Variants in RBM5 observed in about 807,000 individuals in gnomAD.
RBM5 encodes RNA-binding protein 5.
RBM5 carries 15 observed loss-of-function variants against 124.6 expected under a neutral mutation model. That is an observed-to-expected ratio of 0.12 (90% confidence interval 0.08 to 0.19). The LOEUF is 0.19. RBM5 is among the 10% of genes least tolerant of loss of function. The probability of loss-of-function intolerance (pLI) is 1.00; values close to 1 mark genes in which losing one functional copy is unlikely to be tolerated. For missense variants in RBM5, 580 were observed against 1,026.5 expected (o/e 0.57, Z 5.94); for synonymous variants, 337 against 361.2 (o/e 0.93, Z 0.76).
chr3:50,102,993 A>G, intron 6 of RBM5, 90 bp from the exon 7 acceptor site: 1 of 1,009,916 alleles, frequency 9.9e-7, no homozygotes, highest in Admixed American at 1.8e-5. Context: ...TTAATTCCAG[A>G]GCACTGATTT....
chr3:50,118,561 G>T lies in RBM5; in HGVS notation c.*105G>T. Reference sequence around the variant, plus strand: ...AAGGGCATGCCTTGTGCTGTTAATAGATCTTAGGGTGAACCACTTCATTCT... The same window carrying T: ...AAGGGCATGCCTTGTGCTGTTAATATATCTTAGGGTGAACCACTTCATTCT... On this transcript the variant is annotated 3_prime_UTR_variant, in exon 25 of 25. Transcript: ENST00000347869. 1 of 1,451,046 alleles carries T rather than the reference G, an allele frequency of 6.9e-7. No homozygotes were observed. The highest frequency in any genetic ancestry group is 1.3e-5 in the South Asian group (1 of 77,756). The allele number at this position is 1,451,046 out of a possible 1,614,324, so 89.9% of individuals were successfully genotyped here. A position where few individuals can be genotyped will look rare whatever the true frequency, so the allele number is the denominator to read the frequency against.
At chr3:50,092,258 G>T (rs1490059461) in intron 3 of RBM5, 50 bp downstream of exon 3, 6 of 1,574,144 alleles carry the variant, frequency 3.8e-6, no homozygotes, top group South Asian at 3.4e-5. Flanking sequence ...GAGCCTTATA[G>T]TAATAGAAAT....
intron 4 of RBM5, among the ~76,000 whole-genome samples, chr3:50,095,812 T>TG (rs1373362598): frequency 6.6e-6 from 1 of 152,082 alleles, no homozygotes; most frequent in Non-Finnish European, 1.5e-5. Flanking sequence ...CCCCAACCCT[T>TG]GAACACAGTA....
chr3:50,108,664 G>A lies in RBM5; in HGVS notation c.1192+360G>A, dbSNP rs575526919. Among the ~76,000 whole-genome samples, 4 of 152,074 alleles carry A rather than the reference G, an allele frequency of 2.6e-5. No individual in the cohort carries two copies. The South Asian group carries it at 6.2e-4, about 24-fold the overall frequency. On this transcript the variant is annotated intron_variant, in intron 14 of 24. Transcript: ENST00000347869. ...AGAGATTGCAGTGAGCTGAGATTGCGCCACTGCACTCCAGCCTGGGCGACA... is the reference window on the plus strand; with the variant it reads ...AGAGATTGCAGTGAGCTGAGATTGCACCACTGCACTCCAGCCTGGGCGACA...
chr3:50,114,352 G>A (rs942915143), intron 20 of RBM5, 101 bp downstream of exon 20: 2 of 1,190,252 alleles, frequency 1.7e-6, no homozygotes, highest in African/African-American at 3.1e-5. Context: ...ACTTAAAACT[G>A]AATGTGATCA....
intron 4 of RBM5, among the ~76,000 whole-genome samples, chr3:50,099,178 C>A (rs2090887885): frequency 6.6e-6 from 1 of 151,804 alleles, no homozygotes; most frequent in Non-Finnish European, 1.5e-5. Context: ...TCACTTGAGT[C>A]CAGGAAGGCA....
At chr3:50,108,776 G>C (rs951035012) in intron 14 of RBM5, among the ~76,000 whole-genome samples, 1 of 152,160 alleles carries the variant, frequency 6.6e-6, no homozygotes, top group Non-Finnish European at 1.5e-5. Context: ...TTCTGGGGAA[G>C]AATACGGTTA....
Position 50,118,625 on chromosome 3 carries a change from T to C in RBM5, c.*169T>C, listed in dbSNP as rs567145579. 5 of 1,099,202 alleles carry C rather than the reference T, an allele frequency of 4.5e-6. No individual in the cohort carries two copies. The highest frequency in any genetic ancestry group is 2.5e-5 in the Admixed American group (1 of 39,978). 68.1% of individuals were successfully genotyped at this position (1,099,202 alleles called of 1,614,324 possible). ...TCCCACCTTAAAGAAGTTCCCCTTA[T>C]GTGGGTTGCCTGGTGAATGGCCTTC... On this transcript the variant is annotated 3_prime_UTR_variant, in exon 25 of 25. Coordinates refer to ENST00000347869, the MANE Select transcript of RBM5 (RefSeq NM_005778.4).
intron 11 of RBM5, 82 bp from the exon 12 acceptor site, chr3:50,107,400 G>T (rs1230405843): frequency 9.1e-7 from 1 of 1,097,994 alleles, no homozygotes; most frequent in Non-Finnish European, 1.4e-6. Flanking sequence ...ACAAAGGGTG[G>T]AGTGAATCAG....
At position 50,110,384 on chromosome 3, in the gene RBM5, G is replaced by A. The variant is rs746850233; in HGVS notation, c.1284G>A (p.Glu428=). 6 of 1,614,106 alleles carry A rather than the reference G, an allele frequency of 3.7e-6. No individual in the cohort carries two copies. Among genetic ancestry groups the A allele is most frequent in the Non-Finnish European group, 5.1e-6 (6 of 1,179,988 alleles). The part of the protein sequence containing the change: ...QTSNPPGSPT[E]EAQPSTSTST... Reference sequence around the variant, plus strand: ...GAAGCTGCTGTTCTTTCCAGACTGAGGAAGCACAGCCTAGCACTAGCACAA... The same window carrying A: ...GAAGCTGCTGTTCTTTCCAGACTGAAGAAGCACAGCCTAGCACTAGCACAA... The change falls in exon 16 of 25, where the codon GAG becomes GAA. Residue 428 remains glutamate (E), a synonymous_variant. Transcript: ENST00000347869.
chr3:50,107,196 C>G, intron 11 of RBM5: 1 of 629,934 alleles, frequency 1.6e-6, no homozygotes, highest in Non-Finnish European at 2.9e-6. Context: ...CTAATAATTT[C>G]ATGTATATAG....
At chr3:50,113,196 T>C in intron 17 of RBM5, 187 bp from the exon 18 acceptor site, 1 of 496,990 alleles carries the variant, frequency 2.0e-6, no homozygotes, top group Non-Finnish European at 3.6e-6. Context: ...ATTTTTACTC[T>C]AGCAGTGTCA....
In RBM5 at chr3:50,118,710, T is replaced by C. The variant is rs2091303701; in HGVS notation, c.*254T>C. 1.9e-6 allele frequency: 1 copy of C among 535,262 alleles called. No individual in the cohort carries two copies. The highest frequency in any genetic ancestry group is 3.2e-5 in the Admixed American group (1 of 31,172). 33.2% of individuals were successfully genotyped at this position (535,262 alleles called of 1,614,324 possible). On this transcript the variant is annotated 3_prime_UTR_variant, in exon 25 of 25. Transcript: ENST00000347869. ...GGACAGTGGATTGTTTATACTCCAG[T>C]GTACATAGTGTAATGTAGCGTGTTT...
chr3:50,113,932 TTTG>T lies in RBM5; in HGVS notation c.1618-12_1618-10del, dbSNP rs754454598. 1.2e-6 allele frequency: 2 copies of T among 1,607,542 alleles called. No homozygotes were observed. The highest frequency in any genetic ancestry group is 2.2e-5 in the South Asian group (2 of 90,040). On this transcript the variant is annotated splice_polypyrimidine_tract_variant and intron_variant, in intron 18 of 24. Coordinates refer to ENST00000347869, the MANE Select transcript of RBM5 (RefSeq NM_005778.4). Reference sequence around the variant, plus strand: ...GGGATTAAATATTTTTTTGTTGGTGTTTGTTGTTTGACATTAGATTGCCAAAGA... The same window carrying T: ...GGGATTAAATATTTTTTTGTTGGTGTTTGTTTGACATTAGATTGCCAAAGA...
In RBM5 at chr3:50,115,575, G is replaced by C. The variant is rs1298908059; in HGVS notation, c.1987G>C (p.Val663Leu). Residue 663 changes from valine to leucine, a missense_variant, in exon 21 of 25, where the codon GTC becomes CTC. Val to Leu is a conservative substitution (Grantham distance 32). This residue lies in a region of RBM5 where 234 missense variants were observed against 435.1 expected (regional missense o/e 0.54). Coordinates refer to ENST00000347869, the MANE Select transcript of RBM5 (RefSeq NM_005778.4). ...RRQFPNKDAL[V>L]RHQQLSDLHK... ...CCAGTTCCCGAACAAAGATGCCCTA[G>C]TCAGGCACCAGCAACTCTCAGACCT... 4 of 1,612,816 alleles carry C rather than the reference G, an allele frequency of 2.5e-6. No individual in the cohort carries two copies. The Admixed American group carries it at 6.7e-5, about 27-fold the overall frequency.
chr3:50,110,587 A>G, intron 16 of RBM5, 92 bp from the exon 17 acceptor site: 2 of 1,433,126 alleles, frequency 1.4e-6, no homozygotes, highest in Non-Finnish European at 2.0e-6. Context: ...CAGAGAAGAA[A>G]CATTAGGCCT....
rs767782728 is a variant in RBM5, at chr3:50,092,227, T to G, written c.183+19T>G. The G allele has an allele frequency of 1.7e-5, 28 of 1,608,006 alleles. No homozygotes were observed. The highest frequency in any genetic ancestry group is 2.3e-5 in the Non-Finnish European group (27 of 1,177,738). Reference sequence around the variant, plus strand: ...TCCAGAGGTGAGTGACCAGCGGCTGTATAACCCCCCAAAACACTCTGAGCC... The same window carrying G: ...TCCAGAGGTGAGTGACCAGCGGCTGGATAACCCCCCAAAACACTCTGAGCC... On this transcript the variant is annotated intron_variant, in intron 3 of 24. Transcript: ENST00000347869.
chr3:50,093,637 C>T, intron 3 of RBM5, 83 bp from the exon 4 acceptor site: 1 of 1,442,900 alleles, frequency 6.9e-7, no homozygotes, highest in Admixed American at 1.7e-5. Flanking sequence ...ACACTTCCTG[C>T]TAAGGATAAT....
intron 17 of RBM5, among the ~76,000 whole-genome samples, chr3:50,112,373 G>A (rs2091161000): frequency 2.1e-5 from 3 of 142,472 alleles, no homozygotes; most frequent in Non-Finnish European, 3.0e-5. Context: ...CGAATGTCGC[G>A]CCACTGCACT....
Sources: gnomAD v4.1 joint callset for allele counts (sites outside exome capture counted in the v4.1 genomes callset) on GRCh38, gnomAD v4.1.1 for gene constraint, gnomAD v4.1.1 regional missense constraint, MANE v1.5 for transcripts, NCBI Gene and HGNC (gene_info 2026-07-23, HGNC 2026-07-21) for gene names.